DENND1A: variants seen among roughly 807,000 people sequenced by gnomAD.
DENND1A encodes the protein DENN domain containing 1A, also known as DENN domain-containing protein 1A.
A neutral mutation model predicts 113.7 loss-of-function variants in DENND1A; 51 were observed. The observed-to-expected ratio is 0.45, with a 90% CI of 0.36 to 0.57. DENND1A has a LOEUF of 0.57. Among genes scored for constraint, DENND1A ranks in the 20% least tolerant of loss-of-function variants. The pLI, the probability that DENND1A is intolerant of heterozygous loss-of-function variation, is 0.00. For missense variants in DENND1A, 1,258 were observed against 1,395.9 expected (o/e 0.90, Z 1.57); for synonymous variants, 565 against 570.8 (o/e 0.99, Z 0.14).
chr9:123,827,337 G>C (rs1350529335), intron 2 of DENND1A, among the ~76,000 whole-genome samples: 1 of 150,512 alleles, frequency 6.6e-6, no homozygotes, highest in African/African-American at 2.4e-5. Context: ...ATTATTTAGT[G>C]GCCTCAGGAA....
At chr9:123,408,925 C>T in intron 20 of DENND1A, among the ~76,000 whole-genome samples, 1 of 152,222 alleles carries the variant, frequency 6.6e-6, no homozygotes, top group East Asian at 1.9e-4. Flanking sequence ...CGCCTTGGAT[C>T]CCAAGCCTCG....
chr9:123,880,418 A>T (rs1388659616), intron 1 of DENND1A, among the ~76,000 whole-genome samples: 1 of 152,234 alleles, frequency 6.6e-6, no homozygotes, highest in Non-Finnish European at 1.5e-5. Context: ...AAACTACCAT[A>T]AAAAGATGTT....
chr9:123,796,024 C>A (rs1833704543), intron 2 of DENND1A, among the ~76,000 whole-genome samples: 1 of 152,154 alleles, frequency 6.6e-6, no homozygotes, highest in Non-Finnish European at 1.5e-5. Context: ...CTACTTCAGA[C>A]AATAGATAAC....
intron 15 of DENND1A, among the ~76,000 whole-genome samples, chr9:123,455,695 G>A (rs560776862): frequency 2.0e-5 from 3 of 152,322 alleles, no homozygotes; most frequent in South Asian, 4.1e-4. Flanking sequence ...CCCTCGGAGA[G>A]TGAGACAGAA....
At chr9:123,662,034 A>T (rs2063264536) in intron 8 of DENND1A, among the ~76,000 whole-genome samples, 1 of 152,220 alleles carries the variant, frequency 6.6e-6, no homozygotes, top group South Asian at 2.1e-4. Flanking sequence ...TATTAAATGG[A>T]ACCACCAAGT....
chr9:123,806,565 C>G (rs1835611247), intron 2 of DENND1A, among the ~76,000 whole-genome samples: 1 of 152,146 alleles, frequency 6.6e-6, no homozygotes, highest in South Asian at 2.1e-4. Flanking sequence ...CCCTGACATA[C>G]TGTTAATAGA....
At chr9:123,499,090 G>A (rs760727318) in intron 13 of DENND1A, among the ~76,000 whole-genome samples, 5 of 151,944 alleles carry the variant, frequency 3.3e-5, no homozygotes, top group Non-Finnish European at 7.4e-5. Flanking sequence ...CTGGAGTGCA[G>A]TGTCGTGATC....
intron 5 of DENND1A, among the ~76,000 whole-genome samples, chr9:123,706,395 C>T (rs1295765096): frequency 1.3e-5 from 2 of 151,690 alleles, no homozygotes. Context: ...CATGATCTGC[C>T]CATTTTGGCC....
At chr9:123,706,146 T>TTTC (rs1491198285) in intron 5 of DENND1A, among the ~76,000 whole-genome samples, 44 of 70,522 alleles carry the variant, frequency 6.2e-4, no homozygotes, top group Non-Finnish European at 9.6e-4. Context: ...ATATTTTTTC[T>TTTC]TTTTTTTTTT....
chr9:123,739,976 G>A (rs1264273916), intron 5 of DENND1A, among the ~76,000 whole-genome samples: 1 of 151,692 alleles, frequency 6.6e-6, no homozygotes, highest in African/African-American at 2.4e-5. Flanking sequence ...AACACCAAGG[G>A]TTAGAGTCAC....
At chr9:123,664,112 C>A (rs950458140) in intron 8 of DENND1A, among the ~76,000 whole-genome samples, 1 of 152,164 alleles carries the variant, frequency 6.6e-6, no homozygotes, top group Non-Finnish European at 1.5e-5. Context: ...GAGATTATGC[C>A]TGATTTTTCT....
intron 11 of DENND1A, among the ~76,000 whole-genome samples, chr9:123,599,361 T>C (rs933666041): frequency 6.6e-6 from 1 of 152,148 alleles, no homozygotes; most frequent in Non-Finnish European, 1.5e-5. Flanking sequence ...GTGGAGAAAT[T>C]AGTTTAGCAG....
intron 1 of DENND1A, among the ~76,000 whole-genome samples, chr9:123,922,421 C>T (rs1480271922): frequency 1.3e-5 from 2 of 152,156 alleles, no homozygotes; most frequent in African/African-American, 4.8e-5. Flanking sequence ...ACTATACTAA[C>T]ACATACATTA....
intron 5 of DENND1A, among the ~76,000 whole-genome samples, chr9:123,755,704 TG>T (rs971994917): frequency 1.3e-5 from 2 of 152,228 alleles, no homozygotes; most frequent in African/African-American, 4.8e-5. Flanking sequence ...AAGGCCTTTA[TG>T]ATGATCCACT....
chr9:123,838,388 C>T (rs929965231), intron 2 of DENND1A, among the ~76,000 whole-genome samples: 2 of 151,912 alleles, frequency 1.3e-5, no homozygotes, highest in African/African-American at 4.8e-5. Flanking sequence ...TATGTATATA[C>T]ATATATATAA....
chr9:123,452,382 A>C, intron 16 of DENND1A, 35 bp from the exon 17 acceptor site: 2 of 1,565,632 alleles, frequency 1.3e-6, no homozygotes, highest in Non-Finnish European at 1.8e-6. Context: ...ATTTGGGCTG[A>C]AGACAGAGTC....
chr9:123,540,168 T>A (rs778121327), intron 13 of DENND1A, among the ~76,000 whole-genome samples: 4 of 152,240 alleles, frequency 2.6e-5, no homozygotes, highest in African/African-American at 4.8e-5. Flanking sequence ...AAATGGTTAC[T>A]GTGGTATATT....
At chr9:123,558,304 T>C (rs1395376668) in intron 12 of DENND1A, among the ~76,000 whole-genome samples, 1 of 152,188 alleles carries the variant, frequency 6.6e-6, no homozygotes, top group Non-Finnish European at 1.5e-5. Flanking sequence ...TCAGTTCCCA[T>C]TCTATCCCCT....
intron 18 of DENND1A, 78 bp from the exon 19 acceptor site, chr9:123,440,569 C>G (rs2046856204): frequency 6.9e-7 from 1 of 1,459,472 alleles, no homozygotes; most frequent in South Asian, 1.5e-5. Context: ...AACGAAGAGG[C>G]CTGCCAGGCG....
Sources: allele counts gnomAD v4.1 joint callset (sites outside exome capture counted in the v4.1 genomes callset), GRCh38; gene constraint gnomAD v4.1.1; transcripts MANE v1.5; gene names NCBI Gene and HGNC (gene_info 2026-07-23, HGNC 2026-07-21).